Variants in ITGB1BP1 observed in about 807,000 individuals in gnomAD.
ITGB1BP1 encodes integrin subunit beta 1 binding protein 1.
Under a neutral mutation model 28.0 loss-of-function variants are expected in ITGB1BP1, and 20 were observed. The ratio of observed to expected loss-of-function variants is 0.71; its 90% CI spans 0.50 to 1.04. ITGB1BP1 has a LOEUF of 1.04. Ranked by LOEUF, ITGB1BP1 falls within the 50% of genes least tolerant of loss-of-function variation. The pLI, the probability that ITGB1BP1 is intolerant of heterozygous loss-of-function variation, is 0.00. For synonymous variants in ITGB1BP1, 103 were observed against 89.5 expected (o/e 1.15, Z -0.85); for missense variants, 228 against 242.5 (o/e 0.94, Z 0.40).
intron 4 of ITGB1BP1, among the ~76,000 whole-genome samples, chr2:9,410,782 G>T (rs114793291): frequency 2.0e-3 from 299 of 152,192 alleles, no homozygotes; most frequent in African/African-American, 6.9e-3. Flanking sequence ...TCACTGTGTT[G>T]CCCAGGCTGG....
chr2:9,407,735 C>T, intron 5 of ITGB1BP1, 137 bp from the exon 6 acceptor site: 1 of 935,194 alleles, frequency 1.1e-6, no homozygotes, highest in Non-Finnish European at 1.6e-6. Flanking sequence ...GTCCTGTATG[C>T]TCAGTCTCGG....
At chr2:9,414,393 CTG>C (rs1678862181) in intron 2 of ITGB1BP1, 137 bp from the exon 3 acceptor site, 3 of 598,468 alleles carry the variant, frequency 5.0e-6, no homozygotes, top group Non-Finnish European at 8.8e-6. Context: ...GGCATATCGA[CTG>C]TGCAGATTTT....
At chr2:9,411,803 G>A (rs1417676347) in intron 4 of ITGB1BP1, among the ~76,000 whole-genome samples, 3 of 151,990 alleles carry the variant, frequency 2.0e-5, no homozygotes, top group African/African-American at 2.4e-5. Context: ...AGCACTTTGG[G>A]AGGCCAAGGC....
chr2:9,407,785 T>C (rs1255913533), intron 5 of ITGB1BP1, among the ~76,000 whole-genome samples, 187 bp from the exon 6 acceptor site: 1 of 152,012 alleles, frequency 6.6e-6, no homozygotes, highest in Non-Finnish European at 1.5e-5. Context: ...AGTGCAGTGA[T>C]CTAAACTGAC....
chr2:9,422,964 A>T, intron 1 of ITGB1BP1: 1 of 986,446 alleles, frequency 1.0e-6, no homozygotes, highest in South Asian at 4.6e-5. Flanking sequence ...CCTGCTTGGC[A>T]CCTGTCTGTC....
At chr2:9,407,269 T>C in intron 6 of ITGB1BP1, 180 bp downstream of exon 6, 1 of 669,376 alleles carries the variant, frequency 1.5e-6, no homozygotes, top group East Asian at 2.7e-5. Flanking sequence ...CCCTAACAAA[T>C]ATTTCACAAA....
chr2:9,407,048 C>T (rs1677525398), intron 6 of ITGB1BP1, 143 bp from the exon 7 acceptor site: 2 of 670,194 alleles, frequency 3.0e-6, no homozygotes, highest in African/African-American at 1.8e-5. Context: ...GTCAGTGGAA[C>T]CCATACTATG....
intron 1 of ITGB1BP1, among the ~76,000 whole-genome samples, chr2:9,422,013 A>AT (rs1679938173): frequency 1.3e-5 from 2 of 152,136 alleles, no homozygotes; most frequent in South Asian, 2.1e-4. Flanking sequence ...CACAGACACT[A>AT]TTTTTTTAGA....
intron 3 of ITGB1BP1, chr2:9,412,660 A>C: frequency 3.2e-6 from 1 of 309,988 alleles, no homozygotes; most frequent in Middle Eastern, 9.6e-4. Context: ...CCTTCCCTTC[A>C]AAACAAACAG....
chr2:9,407,970 G>C, intron 5 of ITGB1BP1, 143 bp downstream of exon 5: 1 of 612,120 alleles, frequency 1.6e-6, no homozygotes. Flanking sequence ...TAAGAAATTG[G>C]TCACGTTTAA....
intron 1 of ITGB1BP1, among the ~76,000 whole-genome samples, chr2:9,420,624 C>T (rs117827848): frequency 3.9e-4 from 59 of 152,060 alleles, no homozygotes; most frequent in African/African-American, 1.1e-3. Flanking sequence ...CAATGCCGTG[C>T]GGGTGGAGAG....
chr2:9,408,444 G>C, intron 4 of ITGB1BP1: 2 of 416,696 alleles, frequency 4.8e-6, no homozygotes, highest in Non-Finnish European at 4.4e-6. Context: ...CTATAGTGCA[G>C]TGGCATGATC....
In ITGB1BP1 at chr2:9,412,316, C is replaced by T; in HGVS notation, c.241G>A (p.Gly81Ser). The T allele has an allele frequency of 1.2e-6, 2 of 1,612,752 alleles. No individual in the cohort carries two copies. Among genetic ancestry groups the T allele is most frequent in the South Asian group, 2.2e-5 (2 of 91,000 alleles). ...IEKLKLSEGK[G>S]LEGPLDLINY... ...ATCAGGTCTAATGGCCCTTCAAGGCCTTTTCCCTCGGAGAGTTTCAGTTTC... is the reference window on the plus strand; with the variant it reads ...ATCAGGTCTAATGGCCCTTCAAGGCTTTTTCCCTCGGAGAGTTTCAGTTTC... Residue 81 changes from glycine to serine, a missense_variant, in exon 4 of 7, where the codon GGC becomes AGC. By Grantham distance (56) the Gly-to-Ser change is moderately conservative. Coordinates refer to ENST00000355346, the MANE Select transcript of ITGB1BP1 (RefSeq NM_004763.5).
At chr2:9,421,295 T>A (rs1342580738) in intron 1 of ITGB1BP1, among the ~76,000 whole-genome samples, 1 of 152,230 alleles carries the variant, frequency 6.6e-6, no homozygotes, top group Non-Finnish European at 1.5e-5. Flanking sequence ...TCCTTAAGGC[T>A]TTCTTTTCAT....
At position 9,415,396 on chromosome 2, in the gene ITGB1BP1, A is replaced by AAC. The variant is rs912270006; in HGVS notation, c.73-1142_73-1141dup. On this transcript the variant is annotated intron_variant, in intron 2 of 6. Transcript: ENST00000355346. This position sits in a 1 kb window ranked among gnomAD's most constrained non-coding sequence, Gnocchi z 4.1. The stretch of plus-strand genomic sequence containing the variant: ...CTCCATCTCAAAACAAACAAACAAA[A>AAC]ACACACACACAAAAAAAAACACAAC... 6.7e-6 allele frequency among the ~76,000 whole-genome samples: 1 copy of AAC among 150,364 alleles called. No individual in the cohort carries two copies. The highest frequency in any genetic ancestry group is 2.5e-5 in the African/African-American group (1 of 40,738).
At chr2:9,414,035 G>T in intron 3 of ITGB1BP1, 143 bp downstream of exon 3, 1 of 717,738 alleles carries the variant, frequency 1.4e-6, no homozygotes. Flanking sequence ...CCAAATCTTG[G>T]TCCACTTCTA....
chr2:9,407,030 C>T (rs545046112), intron 6 of ITGB1BP1, 125 bp from the exon 7 acceptor site: 97 of 730,730 alleles, frequency 1.3e-4, no homozygotes, highest in Non-Finnish European at 2.2e-4. Context: ...CCACACATGC[C>T]TGCCTGGGTC....
rs1023519496 is a variant in ITGB1BP1 at position 9,420,071 on chromosome 2, T to C, written c.-35-1339A>G. The C allele has an allele frequency of 1.8e-5, 18 of 983,810 alleles. No homozygotes were observed. The African/African-American group carries it at 3.0e-4, about 16-fold the overall frequency. The allele number at this position is 983,810 out of a possible 1,614,324, so 60.9% of individuals were successfully genotyped here. On this transcript the variant is annotated intron_variant, in intron 1 of 6. Transcript: ENST00000355346. ...CAGAGAGTTTCCTTTCATTCTGACC[T>C]GGGTGATGCTTTTCAGAGAAACTAC...
intron 4 of ITGB1BP1, among the ~76,000 whole-genome samples, chr2:9,410,129 G>T (rs1351981127): frequency 6.6e-6 from 1 of 152,184 alleles, no homozygotes; most frequent in Admixed American, 6.5e-5. Flanking sequence ...ATAGGCCTGA[G>T]CCACCGCGCC....
Sources: allele counts gnomAD v4.1 joint callset (sites outside exome capture counted in the v4.1 genomes callset), GRCh38; gene constraint gnomAD v4.1.1; non-coding constraint Gnocchi (gnomAD v3.1); transcripts MANE v1.5; gene names NCBI Gene and HGNC (gene_info 2026-07-23, HGNC 2026-07-21).